Variants in PGCKA1 observed in about 807,000 individuals in gnomAD.
PGCKA1 encodes the protein PDCD10 and GCKIII kinases associated 1, also known as PDCD10 and GCKIII kinases-associated protein 1.
At chr4:37,472,922 T>C in the PGCKA1 span, among the ~76,000 whole-genome samples, 1 of 152,152 alleles carries the variant, frequency 6.6e-6, no homozygotes, top group Non-Finnish European at 1.5e-5. Flanking sequence ...GAATTCTGAG[T>C]AGGATTAAAT....
the PGCKA1 span, among the ~76,000 whole-genome samples, chr4:37,551,756 C>T: frequency 7.2e-5 from 11 of 152,176 alleles, no homozygotes; most frequent in Non-Finnish European, 1.5e-4. Context: ...ATTTAAAACT[C>T]TTATAATAGG....
chr4:37,512,946 G>T, the PGCKA1 span, among the ~76,000 whole-genome samples: 3 of 151,984 alleles, frequency 2.0e-5, no homozygotes, highest in Non-Finnish European at 2.9e-5. Context: ...AAATCAGCTG[G>T]GCGTAGTGGC....
chr4:37,527,104 A>T, the PGCKA1 span, among the ~76,000 whole-genome samples: 29,544 of 151,818 alleles, frequency 0.19, 3,056 homozygotes, highest in Non-Finnish European at 0.24. Context: ...AATTAAAAAA[A>T]ATTAATTAAA....
chr4:37,537,685 C>G, the PGCKA1 span, among the ~76,000 whole-genome samples: 1 of 152,168 alleles, frequency 6.6e-6, no homozygotes, highest in Non-Finnish European at 1.5e-5. Flanking sequence ...TATTCAACTT[C>G]CTGTGTCTCA....
At chr4:37,581,618 G>A in the PGCKA1 span, among the ~76,000 whole-genome samples, 1 of 152,158 alleles carries the variant, frequency 6.6e-6, no homozygotes, top group Non-Finnish European at 1.5e-5. This position sits in a 1 kb window ranked among gnomAD's most constrained non-coding sequence, Gnocchi z 4.4. Flanking sequence ...ATCCTATGGT[G>A]TAAGACAAAG....
the PGCKA1 span, among the ~76,000 whole-genome samples, chr4:37,530,157 T>C: frequency 3.9e-5 from 6 of 152,222 alleles, no homozygotes; most frequent in Non-Finnish European, 7.3e-5. Flanking sequence ...CTTCCTAACT[T>C]CTAGCACGTA....
chr4:37,566,154 AC>A, the PGCKA1 span, among the ~76,000 whole-genome samples: 1 of 151,964 alleles, frequency 6.6e-6, no homozygotes. Context: ...CCTCTGGAGA[AC>A]CCTGACTAAT....
the PGCKA1 span, among the ~76,000 whole-genome samples, chr4:37,472,711 T>A: frequency 2.6e-4 from 39 of 152,314 alleles, no homozygotes; most frequent in African/African-American, 8.4e-4. Flanking sequence ...TGAGGATGTC[T>A]TCCTTTTTGA....
the PGCKA1 span, among the ~76,000 whole-genome samples, chr4:37,557,338 T>C: frequency 6.6e-6 from 1 of 152,200 alleles, no homozygotes; most frequent in African/African-American, 2.4e-5. Context: ...TCATGTAATG[T>C]TTATCAATAG....
chr4:37,590,113 C>T, the PGCKA1 span: 14 of 1,613,462 alleles, frequency 8.7e-6, 1 homozygote, highest in South Asian at 3.3e-5. Context: ...AGTTCAAGTG[C>T]CCTCTCCTGG....
At chr4:37,497,794 A>G in the PGCKA1 span, among the ~76,000 whole-genome samples, 4 of 151,988 alleles carry the variant, frequency 2.6e-5, no homozygotes, top group Non-Finnish European at 1.5e-5. Flanking sequence ...CTTTTCAGAT[A>G]TATAGATTGT....
chr4:37,510,005 G>T, the PGCKA1 span, among the ~76,000 whole-genome samples: 1 of 151,406 alleles, frequency 6.6e-6, no homozygotes. Flanking sequence ...GGGAGGGGGA[G>T]AGGGAGAGGG....
the PGCKA1 span, among the ~76,000 whole-genome samples, chr4:37,527,482 C>T: frequency 6.6e-6 from 1 of 151,902 alleles, no homozygotes; most frequent in Non-Finnish European, 1.5e-5. Flanking sequence ...ACTTTTATAC[C>T]GCATTTTTAC....
the PGCKA1 span, among the ~76,000 whole-genome samples, chr4:37,563,453 C>G: frequency 8.4e-6 from 1 of 118,824 alleles, no homozygotes; most frequent in Non-Finnish European, 1.9e-5. Flanking sequence ...CGAGGTTGCT[C>G]AGGAGGGAGT....
the PGCKA1 span, among the ~76,000 whole-genome samples, chr4:37,483,869 T>G: frequency 1.3e-5 from 2 of 152,176 alleles, no homozygotes; most frequent in Non-Finnish European, 2.9e-5. Context: ...GTTTGTGAGA[T>G]GCATGGGAAC....
At chr4:37,570,023 C>T in the PGCKA1 span, among the ~76,000 whole-genome samples, 2 of 146,386 alleles carry the variant, frequency 1.4e-5, no homozygotes, top group Admixed American at 6.9e-5. Context: ...TCTGTCGCCC[C>T]GGCTGGAGTA....
the PGCKA1 span, among the ~76,000 whole-genome samples, chr4:37,575,867 A>G: frequency 1.3e-5 from 2 of 152,264 alleles, no homozygotes; most frequent in Admixed American, 6.5e-5. Flanking sequence ...TCCTTTCCCC[A>G]GTGTATGTTC....
At chr4:37,471,824 A>G in the PGCKA1 span, among the ~76,000 whole-genome samples, 1 of 152,288 alleles carries the variant, frequency 6.6e-6, no homozygotes, top group Non-Finnish European at 1.5e-5. Context: ...GCTATATACA[A>G]TTTTAAAAAA....
the PGCKA1 span, among the ~76,000 whole-genome samples, chr4:37,493,842 C>T: frequency 1.3e-5 from 2 of 152,252 alleles, no homozygotes; most frequent in East Asian, 3.9e-4. Context: ...TCTTTCTGTG[C>T]GTGGCTTATT....
Sources: gnomAD v4.1 joint callset for allele counts (sites outside exome capture counted in the v4.1 genomes callset) on GRCh38, gnomAD v4.1.1 for gene constraint, Gnocchi (gnomAD v3.1) non-coding constraint, MANE v1.5 for transcripts, NCBI Gene and HGNC (gene_info 2026-07-23, HGNC 2026-07-21) for gene names.